The following PTPRB variants were observed in gnomAD, a reference collection of about 807,000 sequenced individuals.
PTPRB encodes protein tyrosine phosphatase receptor type B.
A neutral mutation model predicts 238.1 loss-of-function variants in PTPRB; 97 were observed. That is an observed-to-expected ratio of 0.41 (90% CI 0.35 to 0.48). The LOEUF (loss-of-function observed/expected upper bound fraction) is 0.48. Among genes scored for constraint, PTPRB ranks in the 20% least tolerant of loss-of-function variants. The pLI is 0.30. For synonymous variants in PTPRB, 970 were observed against 995.4 expected (o/e 0.97, Z 0.48); for missense variants, 2,292 against 2,681.9 (o/e 0.85, Z 3.21).
At chr12:70,530,351 TAC>T (rs1432892666) in intron 32 of PTPRB, among the ~76,000 whole-genome samples, 3 of 152,196 alleles carry the variant, frequency 2.0e-5, no homozygotes, top group East Asian at 1.9e-4. Context: ...TGTTCACATG[TAC>T]ACACTTATAT....
chr12:70,528,500 G>A (rs1052344371), intron 32 of PTPRB, among the ~76,000 whole-genome samples: 22 of 122,130 alleles, frequency 1.8e-4, no homozygotes, highest in African/African-American at 7.2e-4. Flanking sequence ...AAGGGCAGTG[G>A]CAGTGGGATG....
chr12:70,595,354 T>G lies in PTPRB; in HGVS notation c.1259-630A>C, dbSNP rs184072030. On this transcript the variant is annotated intron_variant, in intron 5 of 33. Coordinates refer to ENST00000334414, the MANE Select transcript of PTPRB (RefSeq NM_001109754.4). ...TAGGAAAAATATCTAATGTAGATGA[T>G]GGGTTGATGGGTGCAGCAAACCACC... 7.2e-5 allele frequency among the ~76,000 whole-genome samples: 11 copies of G among 152,246 alleles called. No individual in the cohort carries two copies. The East Asian group carries it at 9.7e-4, about 13-fold the overall frequency.
At chr12:70,610,028 G>A (rs1884332327) in intron 3 of PTPRB, among the ~76,000 whole-genome samples, 1 of 152,000 alleles carries the variant, frequency 6.6e-6, no homozygotes, top group East Asian at 1.9e-4. Context: ...GAGAGGCGGC[G>A]GGGACAGGCA....
At chr12:70,535,434 G>T (rs767607938) in intron 29 of PTPRB, among the ~76,000 whole-genome samples, 1 of 151,956 alleles carries the variant, frequency 6.6e-6, no homozygotes, top group Non-Finnish European at 1.5e-5. Context: ...AAGTTAGAAC[G>T]TTTAGCTAAG....
chr12:70,584,416 C>T (rs1262234949), intron 9 of PTPRB, among the ~76,000 whole-genome samples: 2 of 152,046 alleles, frequency 1.3e-5, no homozygotes, highest in Non-Finnish European at 2.9e-5. Context: ...AAATGCCAAT[C>T]AATCTTGAGC....
intron 14 of PTPRB, 133 bp from the exon 15 acceptor site, chr12:70,566,837 T>G: frequency 1.1e-6 from 1 of 936,328 alleles, no homozygotes; most frequent in Non-Finnish European, 1.6e-6. Flanking sequence ...CATTGACACT[T>G]TCTGTGTGCC....
At position 70,581,139 on chromosome 12, in the gene PTPRB, T is replaced by A. The variant is rs780122703; in HGVS notation, c.2475A>T (p.Arg825Ser). 4 of 1,613,982 alleles carry A rather than the reference T, an allele frequency of 2.5e-6. No individual in the cohort carries two copies. In the East Asian group the frequency reaches 8.9e-5, roughly 36 times the overall value. The change falls in exon 10 of 34, where the codon AGA becomes AGT. Residue 825 changes from arginine to serine, a missense_variant. By Grantham distance (110) the Arg-to-Ser change is moderately radical. This residue lies in a region of PTPRB where 1,205 missense variants were observed against 1,287.8 expected (regional missense o/e 0.94). Transcript: ENST00000334414. Reference protein sequence around the residue: ...KNESISSETSRYSFHSLKSGS... With the variant: ...KNESISSETSSYSFHSLKSGS... Reference sequence around the variant, plus strand: ...CGGACTTGAGAGAGTGGAAGCTGTATCTGCTGGTCTCACTGGAGATGCTTT... The same window carrying A: ...CGGACTTGAGAGAGTGGAAGCTGTAACTGCTGGTCTCACTGGAGATGCTTT...
rs61758735 is a variant in PTPRB, at chr12:70,555,234, G to A, written c.5069C>T (p.Thr1690Ile). The A allele has an allele frequency of 6.9e-3, 11,078 of 1,613,860 alleles. 53 individuals carry two copies. Among genetic ancestry groups the A allele is most frequent in the Admixed American group, 9.6e-3 (573 of 59,998 alleles). The change falls in exon 20 of 34, where the codon ACT (threonine) becomes ATT (isoleucine). Residue 1690 changes from threonine to isoleucine, a missense_variant. By Grantham distance (89) the Thr-to-Ile change is moderately conservative. Around this residue, in one of 4 missense-constraint regions of PTPRB, gnomAD observed 683 missense variants for 862.0 expected, o/e 0.79. Transcript: ENST00000334414. Reference protein sequence around the residue: ...VLISKSSINFTVNCSWFSDTN... With the variant: ...VLISKSSINFIVNCSWFSDTN... Reference sequence around the variant, plus strand: ...GTCGCTGAACCAGCTGCAGTTGACAGTAAAGTTGATGGAAGACTTGCTAAT... The same window carrying A: ...GTCGCTGAACCAGCTGCAGTTGACAATAAAGTTGATGGAAGACTTGCTAAT...
rs186466118 is a variant in PTPRB at position 70,562,886 on chromosome 12, T to C, written c.4126A>G (p.Ser1376Gly). ...RMYKMVIVTH[S>G]GELSNESFIF... ...AAAGACTCATTAGACAGCTCCCCACTGTGAGTTACAATCACCATCTTGTAC... is the reference window on the plus strand; with the variant it reads ...AAAGACTCATTAGACAGCTCCCCACCGTGAGTTACAATCACCATCTTGTAC... Residue 1376 changes from serine to glycine, a missense_variant, in exon 16 of 34, where the codon AGT (serine) becomes GGT (glycine). This residue lies in a region of PTPRB where 683 missense variants were observed against 862.0 expected (regional missense o/e 0.79). Coordinates refer to ENST00000334414, the MANE Select transcript of PTPRB (RefSeq NM_001109754.4). The C allele has an allele frequency of 1.5e-4, 235 of 1,613,992 alleles. 3 individuals carry two copies. In the East Asian group the frequency reaches 4.1e-3, roughly 28 times the overall value.
intron 3 of PTPRB, among the ~76,000 whole-genome samples, chr12:70,616,976 C>T (rs1884708050): frequency 6.6e-6 from 1 of 152,142 alleles, no homozygotes; most frequent in Non-Finnish European, 1.5e-5. Flanking sequence ...AAAAGTTGGT[C>T]CTCTGTATAC....
At chr12:70,589,892 A>AGTTACCTGG in intron 8 of PTPRB, 72 bp downstream of exon 8, 3 of 1,456,336 alleles carry the variant, frequency 2.1e-6, no homozygotes, top group Non-Finnish European at 2.8e-6. Flanking sequence ...CAGTTACGGC[A>AGTTACCTGG]GTTACCTGGG....
chr12:70,567,132 C>T (rs1879407124), intron 14 of PTPRB, among the ~76,000 whole-genome samples: 1 of 152,110 alleles, frequency 6.6e-6, no homozygotes, highest in Non-Finnish European at 1.5e-5. Flanking sequence ...TTGACTTCAG[C>T]AGTAGTGGAT....
At chr12:70,616,900 C>A (rs540847483) in intron 3 of PTPRB, among the ~76,000 whole-genome samples, 1 of 152,182 alleles carries the variant, frequency 6.6e-6, no homozygotes, top group South Asian at 2.1e-4. Flanking sequence ...ACTCCAGGAC[C>A]CTTATGTATA....
Position 70,569,958 on chromosome 12 carries a change from TAA to T in PTPRB, c.3371-22_3371-21del, listed in dbSNP as rs762165852. On this transcript the variant is annotated intron_variant, in intron 13 of 33. Coordinates refer to ENST00000334414, the MANE Select transcript of PTPRB (RefSeq NM_001109754.4). ...TAGGAACTAAAACAGAAAATAAATT[TAA>T]AAGTCATCACTTAGAGAATGAACTG... 12 of 1,582,804 alleles carry T rather than the reference TAA, an allele frequency of 7.6e-6. No homozygotes were observed. In the South Asian group the frequency reaches 1.2e-4, roughly 16 times the overall value.
chr12:70,601,428 C>G (rs1470603654), intron 4 of PTPRB, among the ~76,000 whole-genome samples: 1 of 152,180 alleles, frequency 6.6e-6, no homozygotes, highest in East Asian at 1.9e-4. Context: ...AGGATAAAGT[C>G]TAAGTTTCTT....
Position 70,521,527 on chromosome 12 carries a change from C to A in PTPRB, c.6626-16G>T. 6.5e-7 allele frequency: 1 copy of A among 1,533,742 alleles called. No homozygotes were observed. Among genetic ancestry groups the A allele is most frequent in the Admixed American group, 2.1e-5 (1 of 46,712 alleles). On this transcript the variant is annotated splice_polypyrimidine_tract_variant and intron_variant, in intron 33 of 33. Transcript: ENST00000334414. The stretch of plus-strand genomic sequence containing the variant: ...TAGACTGGATCTGAAAGGAAGAACA[C>A]TGTAATTAGAGACTGCCGCAGGGTG...
Position 70,539,616 on chromosome 12 carries a change from G to C in PTPRB, c.5778+9C>G. ...GGGATGCTGAAGCTTCATTCTGCCTGAGTTGTACCTCGTATTCCTTGGATA... is the reference window on the plus strand; with the variant it reads ...GGGATGCTGAAGCTTCATTCTGCCTCAGTTGTACCTCGTATTCCTTGGATA... On this transcript the variant is annotated intron_variant, in intron 26 of 33. Coordinates refer to ENST00000334414, the MANE Select transcript of PTPRB (RefSeq NM_001109754.4). The C allele has an allele frequency of 6.6e-7, 1 of 1,521,320 alleles. No individual in the cohort carries two copies. The highest frequency in any genetic ancestry group is 9.0e-7 in the Non-Finnish European group (1 of 1,113,140). 94.2% of individuals were successfully genotyped at this position (1,521,320 alleles called of 1,614,324 possible). A position where few individuals can be genotyped will look rare whatever the true frequency, so the allele number is the denominator to read the frequency against.
At chr12:70,523,853 T>A (rs1429353806) in intron 33 of PTPRB, among the ~76,000 whole-genome samples, 3 of 152,054 alleles carry the variant, frequency 2.0e-5, no homozygotes, top group Non-Finnish European at 4.4e-5. Context: ...CTCGCTCTTG[T>A]TGCCCAGTCT....
intron 4 of PTPRB, 35 bp downstream of exon 4, chr12:70,609,034 G>A: frequency 6.2e-7 from 1 of 1,608,890 alleles, no homozygotes; most frequent in Non-Finnish European, 8.5e-7. Flanking sequence ...AACCCCGTGT[G>A]GCTTGGCCAT....
Sources: gnomAD v4.1 joint callset for allele counts (sites outside exome capture counted in the v4.1 genomes callset) on GRCh38, gnomAD v4.1.1 for gene constraint, gnomAD v4.1.1 regional missense constraint, MANE v1.5 for transcripts, NCBI Gene and HGNC (gene_info 2026-07-23, HGNC 2026-07-21) for gene names.